SMCHD1: variants seen among roughly 807,000 people sequenced by gnomAD.
SMCHD1 encodes the protein structural maintenance of chromosomes flexible hinge domain containing 1, also known as structural maintenance of chromosomes flexible hinge domain-containing protein 1.
Under a neutral mutation model 254.7 loss-of-function variants are expected in SMCHD1, and 78 were observed. The observed-to-expected ratio is 0.31, with a 90% CI of 0.26 to 0.37. The LOEUF is 0.37. Ranked by LOEUF, SMCHD1 falls within the 10% of genes least tolerant of loss-of-function variation. SMCHD1 has a pLI of 1.00. For missense variants in SMCHD1, 1,840 were observed against 2,408.1 expected (o/e 0.76, Z 4.94); for synonymous variants, 766 against 794.9 (o/e 0.96, Z 0.61).
chr18:2,661,936 C>CATG (rs1158420479), intron 1 of SMCHD1, among the ~76,000 whole-genome samples: 2 of 147,798 alleles, frequency 1.4e-5, no homozygotes, highest in Non-Finnish European at 3.0e-5. Flanking sequence ...GCGGGTGGAT[C>CATG]ATGAGGTCAG....
intron 45 of SMCHD1, among the ~76,000 whole-genome samples, chr18:2,788,635 C>G (rs1208609577): frequency 6.6e-6 from 1 of 152,050 alleles, no homozygotes; most frequent in African/African-American, 2.4e-5. Context: ...GACAGAGTCT[C>G]GCTCTGTTGC....
chr18:2,663,702 C>T (rs1195110596), intron 1 of SMCHD1, among the ~76,000 whole-genome samples: 2 of 151,480 alleles, frequency 1.3e-5, no homozygotes, highest in Non-Finnish European at 2.9e-5. Context: ...CTATTCTCTT[C>T]CACTGGTCTA....
At chr18:2,669,614 A>C (rs894195367) in intron 3 of SMCHD1, among the ~76,000 whole-genome samples, 1 of 152,174 alleles carries the variant, frequency 6.6e-6, no homozygotes, top group Non-Finnish European at 1.5e-5. Context: ...GTCCTATCTC[A>C]TGGTTCTAAA....
At chr18:2,728,792 A>C (rs1353131546) in intron 23 of SMCHD1, 196 bp downstream of exon 23, 3 of 489,870 alleles carry the variant, frequency 6.1e-6, no homozygotes, top group African/African-American at 4.1e-5. Flanking sequence ...AACTGTGCCC[A>C]GTTTCATAAA....
At chr18:2,755,565 C>CTTTTTTTTTTT (rs11413061) in intron 34 of SMCHD1, among the ~76,000 whole-genome samples, 2 of 108,142 alleles carry the variant, frequency 1.8e-5, no homozygotes, top group Non-Finnish European at 3.6e-5. Context: ...TTCTTTCTTT[C>CTTTTTTTTTTT]TTTTTTTTTT....
Position 2,706,669 on chromosome 18 carries a change from A to G in SMCHD1, c.2063+199A>G, listed in dbSNP as rs570648. 6 of 407,846 alleles carry G rather than the reference A, an allele frequency of 1.5e-5. No individual in the cohort carries two copies. In the South Asian group the frequency reaches 2.4e-4, roughly 16 times the overall value. The allele number at this position is 407,846 out of a possible 1,614,324, so 25.3% of individuals were successfully genotyped here. On this transcript the variant is annotated intron_variant, in intron 15 of 47. Transcript: ENST00000320876. ...AGAATTCTGCATTTGTTTTGTAGACAAAGAAGGAAATCTTATATATCTAAA... is the reference window on the plus strand; with the variant it reads ...AGAATTCTGCATTTGTTTTGTAGACGAAGAAGGAAATCTTATATATCTAAA...
At position 2,695,467 on chromosome 18, in the gene SMCHD1, A is replaced by T. The variant is rs544169281; in HGVS notation, c.1040+774A>T. ...TGGGATTACAGGCGCGTGCCACCAC[A>T]CTCAACTAATTTTTGTATTTTTAGT... On this transcript the variant is annotated intron_variant, in intron 8 of 47. Transcript: ENST00000320876. 2.6e-5 allele frequency among the ~76,000 whole-genome samples: 4 copies of T among 151,950 alleles called. No individual in the cohort carries two copies. In the East Asian group the frequency reaches 7.8e-4, roughly 29 times the overall value.
chr18:2,780,237 C>CCAAAAAAAAAAAAAAAAAAAAAAAAAAA (rs1568374930), intron 44 of SMCHD1, among the ~76,000 whole-genome samples: 1 of 29,836 alleles, frequency 3.4e-5, no homozygotes. Flanking sequence ...AAGACTCTAT[C>CCAAAAAAAAAAAAAAAAAAAAAAAAAAA]TAAAAAAAAA....
At chr18:2,730,845 G>A (rs1363553135) in intron 24 of SMCHD1, among the ~76,000 whole-genome samples, 2 of 152,116 alleles carry the variant, frequency 1.3e-5, no homozygotes, top group Admixed American at 1.3e-4. Flanking sequence ...TGTTATATTT[G>A]ATAAGCTTAA....
At chr18:2,689,070 AAT>A (rs1365705449) in intron 7 of SMCHD1, among the ~76,000 whole-genome samples, 4 of 152,166 alleles carry the variant, frequency 2.6e-5, no homozygotes, top group Non-Finnish European at 5.9e-5. Context: ...CCTCTAGAGA[AAT>A]AAATGAGAGA....
intron 45 of SMCHD1, among the ~76,000 whole-genome samples, chr18:2,788,325 C>T (rs17628390): frequency 0.19 from 29,440 of 152,102 alleles, 3,091 homozygotes; most frequent in Admixed American, 0.26. Flanking sequence ...TTAAGGTTGT[C>T]ACATGAATGA....
Position 2,771,821 on chromosome 18 carries a change from A to G in SMCHD1, c.5052+203A>G, listed in dbSNP as rs8083931. On this transcript the variant is annotated intron_variant, in intron 40 of 47. Transcript: ENST00000320876. ...AATTGCAATTTGTATTTTTAATGTA[A>G]TGACACCAATAAATGCAATTAATAA... is the stretch of plus-strand genomic sequence containing the variant. Among the ~76,000 whole-genome samples, 44,500 of 152,126 alleles carry G rather than the reference A, an allele frequency of 0.29. 6,752 individuals carry two copies. Among genetic ancestry groups the G allele is most frequent in the East Asian group, 0.51 (2,638 of 5,184 alleles).
intron 5 of SMCHD1, among the ~76,000 whole-genome samples, chr18:2,686,376 C>CAGAA (rs2074052599): frequency 1.3e-5 from 2 of 152,104 alleles, no homozygotes; most frequent in Admixed American, 1.3e-4. Flanking sequence ...GAAAAGAAAT[C>CAGAA]AGAAATCTGA....
At chr18:2,689,631 A>C (rs2074129592) in intron 7 of SMCHD1, among the ~76,000 whole-genome samples, 3 of 151,990 alleles carry the variant, frequency 2.0e-5, no homozygotes, top group Admixed American at 2.0e-4. Flanking sequence ...TGGTGCTATC[A>C]CAGTTCACAG....
intron 5 of SMCHD1, among the ~76,000 whole-genome samples, chr18:2,677,009 G>C (rs1568111194): frequency 6.6e-6 from 1 of 152,026 alleles, no homozygotes; most frequent in South Asian, 2.1e-4. Flanking sequence ...TTCTATGATA[G>C]TTTCCCTAGC....
intron 21 of SMCHD1, among the ~76,000 whole-genome samples, chr18:2,725,409 A>T (rs1039905141): frequency 6.6e-6 from 1 of 151,942 alleles, no homozygotes; most frequent in Non-Finnish European, 1.5e-5. Flanking sequence ...ATCTTTAAAC[A>T]TATCACTTTG....
In SMCHD1 at chr18:2,775,793, G is replaced by A; in HGVS notation, c.5235G>A (p.Leu1745=). Residue 1745 remains leucine (L), a synonymous_variant, in exon 42 of 48, where the codon CTG becomes CTA. Coordinates refer to ENST00000320876, the MANE Select transcript of SMCHD1 (RefSeq NM_015295.3). ...CTGCGATGGTTATTTCTTGGCATCT[G>A]GCAAGTGACATGGACTGTGTAGTCA... ...DRAAMVISWH[L]ASDMDCVVTL... The A allele has an allele frequency of 6.2e-7, 1 of 1,613,516 alleles. No homozygotes were observed. Among genetic ancestry groups the A allele is most frequent in the Non-Finnish European group, 8.5e-7 (1 of 1,179,704 alleles).
chr18:2,688,827 A>T (rs2074109604), intron 7 of SMCHD1, 80 bp downstream of exon 7: 1 of 883,528 alleles, frequency 1.1e-6, no homozygotes, highest in Non-Finnish European at 1.6e-6. Context: ...GAAAGTATGA[A>T]ATTTTCAAAA....
chr18:2,687,250 T>G (rs1350553311), intron 5 of SMCHD1, among the ~76,000 whole-genome samples: 1 of 152,218 alleles, frequency 6.6e-6, no homozygotes, highest in African/African-American at 2.4e-5. Context: ...CTTTTGTATG[T>G]GTTGTATTAT....
Sources: allele counts gnomAD v4.1 joint callset (sites outside exome capture counted in the v4.1 genomes callset), GRCh38; gene constraint gnomAD v4.1.1; transcripts MANE v1.5; gene names NCBI Gene and HGNC (gene_info 2026-07-23, HGNC 2026-07-21).